DENND1A: variants seen among roughly 807,000 people sequenced by gnomAD.
DENND1A encodes the protein DENN domain-containing protein 1A.
In DENND1A, 51 loss-of-function variants were observed where a neutral mutation model predicts 113.7. That is an observed-to-expected ratio of 0.45 (90% CI 0.36 to 0.57). The LOEUF is 0.57. DENND1A is among the 20% of genes least tolerant of loss of function. The pLI is 0.00. For missense variants in DENND1A, 1,258 were observed against 1,395.9 expected, an observed-to-expected ratio of 0.90 and a Z score of 1.57; for synonymous variants, 565 against 570.8, an observed-to-expected ratio of 0.99 and a Z score of 0.14.
intron 2 of DENND1A, among the ~76,000 whole-genome samples, chr9:123,828,958 C>T (rs1839789995): frequency 6.6e-6 from 1 of 151,988 alleles, no homozygotes; most frequent in African/African-American, 2.4e-5. Context: ...GTATAGAGAC[C>T]ACAGAACTGA....
chr9:123,391,886 T>G (rs911393910), intron 21 of DENND1A, among the ~76,000 whole-genome samples: 1 of 151,876 alleles, frequency 6.6e-6, no homozygotes, highest in African/African-American at 2.4e-5. Context: ...AAAAGGCAGG[T>G]TGCGGCAAAC....
chr9:123,430,238 T>C (rs1278299665), intron 19 of DENND1A, among the ~76,000 whole-genome samples: 2 of 152,210 alleles, frequency 1.3e-5, no homozygotes, highest in Non-Finnish European at 2.9e-5. Flanking sequence ...ATATGGTTGG[T>C]GGGAGTGTAA....
chr9:123,890,815 T>C (rs916915862), intron 1 of DENND1A, among the ~76,000 whole-genome samples: 3 of 152,156 alleles, frequency 2.0e-5, no homozygotes, highest in Non-Finnish European at 4.4e-5. Flanking sequence ...ATTTTTAAAA[T>C]CAACTTTATA....
chr9:123,501,130 A>C (rs943581851), intron 13 of DENND1A, among the ~76,000 whole-genome samples: 11 of 151,976 alleles, frequency 7.2e-5, no homozygotes, highest in African/African-American at 2.7e-4. Context: ...CCTGGCAACC[A>C]CCTGTCCACT....
At chr9:123,681,623 C>A (rs2064466399) in intron 5 of DENND1A, among the ~76,000 whole-genome samples, 1 of 151,942 alleles carries the variant, frequency 6.6e-6, no homozygotes, top group Admixed American at 6.6e-5. Flanking sequence ...GAGAATGAAC[C>A]CCACGGTGTC....
intron 13 of DENND1A, among the ~76,000 whole-genome samples, chr9:123,476,116 G>A (rs1217677576): frequency 6.6e-6 from 1 of 152,010 alleles, no homozygotes; most frequent in Non-Finnish European, 1.5e-5. Flanking sequence ...CTTGGGAGGT[G>A]GAGGCTACAG....
intron 13 of DENND1A, among the ~76,000 whole-genome samples, chr9:123,464,774 T>C (rs1269967177): frequency 6.6e-6 from 1 of 151,784 alleles, no homozygotes; most frequent in Admixed American, 6.6e-5. Flanking sequence ...ACTTAAAAAA[T>C]AGAATAATGG....
At chr9:123,650,408 A>T (rs573772017) in intron 9 of DENND1A, among the ~76,000 whole-genome samples, 4 of 152,158 alleles carry the variant, frequency 2.6e-5, no homozygotes, top group African/African-American at 7.2e-5. Flanking sequence ...TAAACACATA[A>T]CTTGATTTTA....
chr9:123,680,801 A>G (rs2064394784), intron 5 of DENND1A, among the ~76,000 whole-genome samples: 1 of 152,194 alleles, frequency 6.6e-6, no homozygotes, highest in Non-Finnish European at 1.5e-5. Flanking sequence ...ACCTCTTTCT[A>G]CTAGTTCAGT....
intron 11 of DENND1A, among the ~76,000 whole-genome samples, chr9:123,598,985 C>G (rs1354061072): frequency 6.6e-6 from 1 of 152,154 alleles, no homozygotes; most frequent in African/African-American, 2.4e-5. Context: ...GGATTTTAGG[C>G]AAGACACATA....
At chr9:123,401,840 C>A in intron 21 of DENND1A, 3 of 1,614,174 alleles carry the variant, frequency 1.9e-6, no homozygotes, top group Non-Finnish European at 2.5e-6. Flanking sequence ...AGCCTCTCGT[C>A]GGGAACTTGG....
intron 2 of DENND1A, among the ~76,000 whole-genome samples, chr9:123,867,618 G>A (rs990249860): frequency 1.3e-5 from 2 of 152,084 alleles, no homozygotes; most frequent in South Asian, 2.1e-4. Context: ...CCCAGCATCC[G>A]TTCTCCCTTC....
At chr9:123,703,119 C>T (rs2065978081) in intron 5 of DENND1A, among the ~76,000 whole-genome samples, 2 of 152,048 alleles carry the variant, frequency 1.3e-5, no homozygotes, top group African/African-American at 2.4e-5. Context: ...GTAGCTGGGA[C>T]CACAGGCACA....
At chr9:123,744,452 G>A (rs749361149) in intron 5 of DENND1A, among the ~76,000 whole-genome samples, 8 of 152,046 alleles carry the variant, frequency 5.3e-5, no homozygotes, top group South Asian at 2.1e-4. Flanking sequence ...CCATATATCC[G>A]TACTTATATT....
At chr9:123,752,123 A>G (rs1459143835) in intron 5 of DENND1A, among the ~76,000 whole-genome samples, 1 of 150,184 alleles carries the variant, frequency 6.7e-6, no homozygotes, top group Admixed American at 6.6e-5. Context: ...GACAAGAAAT[A>G]CTTTTTTTTT....
chr9:123,427,797 T>C (rs961767853), intron 19 of DENND1A, among the ~76,000 whole-genome samples: 2 of 152,194 alleles, frequency 1.3e-5, no homozygotes, highest in East Asian at 1.9e-4. Context: ...CAAAAAACCC[T>C]TGGCCTCAAT....
intron 13 of DENND1A, among the ~76,000 whole-genome samples, chr9:123,459,104 G>C (rs982109732): frequency 1.3e-5 from 2 of 152,252 alleles, no homozygotes; most frequent in African/African-American, 4.8e-5. Flanking sequence ...GGGAGGCAGA[G>C]GTTGCAGTGA....
intron 5 of DENND1A, among the ~76,000 whole-genome samples, chr9:123,678,545 C>A (rs931421142): frequency 2.6e-5 from 4 of 152,094 alleles, no homozygotes; most frequent in African/African-American, 4.8e-5. Flanking sequence ...TGATATCCTG[C>A]CAGGGAGAGG....
intron 13 of DENND1A, among the ~76,000 whole-genome samples, chr9:123,499,417 G>A (rs1422193847): frequency 6.6e-6 from 1 of 152,176 alleles, no homozygotes; most frequent in Non-Finnish European, 1.5e-5. Flanking sequence ...TTGTGGGGAG[G>A]AGCTAATGTA....
Sources: allele counts gnomAD v4.1 joint callset (sites outside exome capture counted in the v4.1 genomes callset), GRCh38; gene constraint gnomAD v4.1.1; transcripts MANE v1.5; gene names NCBI Gene and HGNC (gene_info 2026-07-23, HGNC 2026-07-21).